The following SLC9A9 variants were observed in gnomAD, a reference collection of about 807,000 sequenced individuals.
The protein encoded by SLC9A9 is sodium/hydrogen exchanger 9.
A neutral mutation model predicts 77.8 loss-of-function variants in SLC9A9; 62 were observed. The ratio of observed to expected loss-of-function variants is 0.80; its 90% CI spans 0.65 to 0.98. The LOEUF (loss-of-function observed/expected upper bound fraction) is 0.98, where lower values mean the gene tolerates loss of function less well. SLC9A9 is among the 50% of genes least tolerant of loss of function. The pLI is 0.00. For synonymous variants in SLC9A9, 320 were observed against 283.5 expected, an observed-to-expected ratio of 1.13 and a Z score of -1.29; for missense variants, 775 against 774.9, an observed-to-expected ratio of 1.00 and a Z score of 0.00.
At chr3:143,731,383 C>T (rs766489673) in intron 4 of SLC9A9, among the ~76,000 whole-genome samples, 2 of 152,178 alleles carry the variant, frequency 1.3e-5, no homozygotes, top group Non-Finnish European at 2.9e-5. Context: ...TCTACTGCTC[C>T]TTCCTAGGCC....
chr3:143,835,110 T>C (rs2009536000), intron 1 of SLC9A9, among the ~76,000 whole-genome samples: 1 of 152,212 alleles, frequency 6.6e-6, no homozygotes, highest in Non-Finnish European at 1.5e-5. Flanking sequence ...AAAGATTTCC[T>C]ACCCAGCTTT....
At chr3:143,296,477 G>C (rs1276337619) in intron 14 of SLC9A9, among the ~76,000 whole-genome samples, 1 of 152,176 alleles carries the variant, frequency 6.6e-6, no homozygotes, top group Admixed American at 6.5e-5. Flanking sequence ...GATGGACACA[G>C]CTCAATTTTA....
intron 4 of SLC9A9, among the ~76,000 whole-genome samples, chr3:143,717,680 T>A (rs16854192): frequency 0.034 from 5,213 of 152,254 alleles, 291 homozygotes; most frequent in African/African-American, 0.12. Flanking sequence ...ACTGGCCTAG[T>A]CCCTTTTTGC....
In SLC9A9 at chr3:143,482,880, G is replaced by T. The variant is rs1161739497; in HGVS notation, c.1315+10773C>A. On this transcript the variant is annotated intron_variant, in intron 11 of 15. Transcript: ENST00000316549. ...GGGAACTGAGAGCTGAGGCGGGGTTGTTCACTCGTGGCATTAACTAGGGCT... is the reference window on the plus strand; with the variant it reads ...GGGAACTGAGAGCTGAGGCGGGGTTTTTCACTCGTGGCATTAACTAGGGCT... Among the ~76,000 whole-genome samples, 5 of 152,092 alleles carry T rather than the reference G, an allele frequency of 3.3e-5. No homozygotes were observed. In the South Asian group the frequency reaches 1.0e-3, roughly 32 times the overall value.
At chr3:143,429,687 G>A (rs1209420739) in intron 12 of SLC9A9, among the ~76,000 whole-genome samples, 1 of 152,172 alleles carries the variant, frequency 6.6e-6, no homozygotes, top group African/African-American at 2.4e-5. Flanking sequence ...GGTCTGAGAG[G>A]AGGGGAGTGC....
chr3:143,357,665 TCTA>T (rs2032630130), intron 14 of SLC9A9, among the ~76,000 whole-genome samples: 1 of 152,202 alleles, frequency 6.6e-6, no homozygotes, highest in Non-Finnish European at 1.5e-5. Flanking sequence ...CACAGCCTGT[TCTA>T]CTGTTGATTA....
In SLC9A9 at chr3:143,292,496, C is replaced by T. The variant is rs183980596; in HGVS notation, c.1605-23516G>A. On this transcript the variant is annotated intron_variant, in intron 14 of 15. Coordinates refer to ENST00000316549, the MANE Select transcript of SLC9A9 (RefSeq NM_173653.4). ...CTAGATTCAGAGCCCATGTTTTTTTCGCGATGTCCTATATCCTGTTACCTC... is the reference window on the plus strand; with the variant it reads ...CTAGATTCAGAGCCCATGTTTTTTTTGCGATGTCCTATATCCTGTTACCTC... Among the ~76,000 whole-genome samples the T allele has an allele frequency of 6.0e-4, 92 of 152,076 alleles. 1 individual carries two copies. The highest frequency in any genetic ancestry group is 2.1e-3 in the African/African-American group (89 of 41,474).
chr3:143,836,176 CA>C (rs1373773556), intron 1 of SLC9A9, among the ~76,000 whole-genome samples: 3 of 152,218 alleles, frequency 2.0e-5, no homozygotes, highest in Non-Finnish European at 2.9e-5. Context: ...AGTCTGTGCT[CA>C]TTGAACTCCT....
At chr3:143,611,393 A>G (rs990366902) in intron 6 of SLC9A9, among the ~76,000 whole-genome samples, 2 of 152,316 alleles carry the variant, frequency 1.3e-5, no homozygotes, top group East Asian at 3.9e-4. Context: ...TTTCCACATT[A>G]CAAGATATGA....
intron 2 of SLC9A9, among the ~76,000 whole-genome samples, chr3:143,801,352 A>G (rs2008552110): frequency 6.6e-6 from 1 of 152,148 alleles, no homozygotes; most frequent in African/African-American, 2.4e-5. Flanking sequence ...GGCCCTTAAA[A>G]TCACACACTA....
intron 2 of SLC9A9, among the ~76,000 whole-genome samples, chr3:143,828,835 A>G (rs1472500459): frequency 6.6e-6 from 1 of 152,242 alleles, no homozygotes; most frequent in Non-Finnish European, 1.5e-5. Context: ...GAAGTAAAGA[A>G]GAACAAACGC....
chr3:143,572,192 T>C (rs1183445914), intron 8 of SLC9A9, among the ~76,000 whole-genome samples: 1 of 152,158 alleles, frequency 6.6e-6, no homozygotes, highest in South Asian at 2.1e-4. Flanking sequence ...ATTTGTTCAG[T>C]TTCCCATGGA....
chr3:143,791,733 G>A (rs1329566504), intron 4 of SLC9A9, among the ~76,000 whole-genome samples: 1 of 152,140 alleles, frequency 6.6e-6, no homozygotes, highest in South Asian at 2.1e-4. Flanking sequence ...CAAAGAGTTT[G>A]ATCTAACTTC....
chr3:143,702,695 G>A (rs1169396949), intron 4 of SLC9A9, among the ~76,000 whole-genome samples: 1 of 151,748 alleles, frequency 6.6e-6, no homozygotes, highest in East Asian at 1.9e-4. Context: ...ATAACAAAAT[G>A]GCAGAAGTCC....
chr3:143,385,721 T>C (rs2033408185), intron 12 of SLC9A9, among the ~76,000 whole-genome samples: 1 of 152,180 alleles, frequency 6.6e-6, no homozygotes, highest in South Asian at 2.1e-4. Context: ...GTGTTACATG[T>C]ATATAGCAGC....
At chr3:143,779,260 T>C (rs915153282) in intron 4 of SLC9A9, among the ~76,000 whole-genome samples, 8 of 152,342 alleles carry the variant, frequency 5.3e-5, no homozygotes, top group African/African-American at 9.6e-5. Context: ...TGAAAAGCAT[T>C]TGCAGAGATC....
chr3:143,319,947 T>C (rs1400602562), intron 14 of SLC9A9, among the ~76,000 whole-genome samples: 1 of 152,244 alleles, frequency 6.6e-6, no homozygotes, highest in Non-Finnish European at 1.5e-5. Context: ...TCCTTTGGCA[T>C]GTTATATGGG....
intron 9 of SLC9A9, among the ~76,000 whole-genome samples, chr3:143,538,474 C>T (rs956766693): frequency 6.6e-6 from 1 of 152,178 alleles, no homozygotes; most frequent in Admixed American, 6.5e-5. Context: ...CTGCAGACCA[C>T]CATTTAAGAA....
intron 13 of SLC9A9, among the ~76,000 whole-genome samples, chr3:143,379,550 A>G (rs2033254984): frequency 6.6e-6 from 1 of 152,248 alleles, no homozygotes. Context: ...TAAAAATGAA[A>G]TCATTTGTAG....
Sources: allele counts gnomAD v4.1 joint callset (sites outside exome capture counted in the v4.1 genomes callset), GRCh38; gene constraint gnomAD v4.1.1; transcripts MANE v1.5; gene names NCBI Gene and HGNC (gene_info 2026-07-23, HGNC 2026-07-21).